The following MYO9B variants were observed in gnomAD, a reference collection of about 807,000 sequenced individuals.
The protein encoded by MYO9B is myosin IXB.
A neutral mutation model predicts 229.5 loss-of-function variants in MYO9B; 71 were observed. The observed-to-expected ratio is 0.31, with a 90% CI of 0.26 to 0.38. MYO9B has a LOEUF of 0.38. Ranked by LOEUF, MYO9B falls within the 10% of genes least tolerant of loss-of-function variation. MYO9B has a pLI of 1.00. For synonymous variants in MYO9B, 1,185 were observed against 1,235.8 expected (o/e 0.96, Z 0.86); for missense variants, 2,255 against 2,920.5 (o/e 0.77, Z 5.25).
intron 11 of MYO9B, among the ~76,000 whole-genome samples, chr19:17,169,802 CTTT>C (rs762583073): frequency 1.9e-5 from 2 of 106,588 alleles, no homozygotes; most frequent in African/African-American, 4.1e-5. Context: ...CTGTCTCCTC[CTTT>C]TTTTTTTTTT....
chr19:17,175,648 CTG>C lies in MYO9B; in HGVS notation c.2141-11_2141-10del, dbSNP rs779121097. The C allele has an allele frequency of 3.2e-6, 5 of 1,559,154 alleles. No homozygotes were observed. The highest frequency in any genetic ancestry group is 2.0e-5 in the Admixed American group (1 of 50,904). On this transcript the variant is annotated splice_polypyrimidine_tract_variant and intron_variant, in intron 13 of 39. Transcript: ENST00000682292. ...GAGGCCATCCCCACCACCATCCACT[CTG>C]TGTCTCCGGCAGGTATGAGCAGCCC...
chr19:17,089,806 C>T (rs568676291), intron 1 of MYO9B, among the ~76,000 whole-genome samples: 79 of 152,190 alleles, frequency 5.2e-4, no homozygotes, highest in African/African-American at 1.7e-3. Context: ...ATGCACATAA[C>T]GTGTAATTTA....
chr19:17,134,735 CCA>C (rs2145189617), intron 2 of MYO9B, among the ~76,000 whole-genome samples: 1 of 151,914 alleles, frequency 6.6e-6, no homozygotes, highest in East Asian at 1.9e-4. Context: ...TGTATATAAA[CCA>C]CAGTTTCTTT....
rs2073080250 is a variant in MYO9B at position 17,199,266 on chromosome 19, C to T, written c.4238+958C>T. Among the ~76,000 whole-genome samples, 2 of 151,978 alleles carry T rather than the reference C, an allele frequency of 1.3e-5. 1 individual carries two copies. The highest frequency in any genetic ancestry group is 1.3e-4 in the Admixed American group (2 of 15,228). On this transcript the variant is annotated intron_variant, in intron 24 of 39. Coordinates refer to ENST00000682292, the MANE Select transcript of MYO9B (RefSeq NM_004145.4). ...AGGCGCATGGCTTGTACCTATAATCCCAACAACTCAGGAGGCTGAGGTGAG... is the reference window on the plus strand; with the variant it reads ...AGGCGCATGGCTTGTACCTATAATCTCAACAACTCAGGAGGCTGAGGTGAG...
intron 2 of MYO9B, among the ~76,000 whole-genome samples, chr19:17,125,296 ATC>A (rs755200359): frequency 2.4e-5 from 1 of 42,532 alleles, no homozygotes; most frequent in Non-Finnish European, 4.5e-5. Context: ...GTAAAACCCC[ATC>A]CCCCCCCCCC....
intron 15 of MYO9B, among the ~76,000 whole-genome samples, chr19:17,182,919 T>C (rs1210979976): frequency 6.6e-6 from 1 of 151,962 alleles, no homozygotes; most frequent in Non-Finnish European, 1.5e-5. Context: ...AAGAGCAGCT[T>C]TGGGTTTTGG....
Position 17,152,753 on chromosome 19 carries a change from A to C in MYO9B, c.998+47A>C, listed in dbSNP as rs151154920. 12 of 1,522,786 alleles carry C rather than the reference A, an allele frequency of 7.9e-6. No individual in the cohort carries two copies. In the African/African-American group the frequency reaches 1.5e-4, roughly 19 times the overall value. The allele number at this position is 1,522,786 out of a possible 1,614,324, so 94.3% of individuals were successfully genotyped here. A position where few individuals can be genotyped will look rare whatever the true frequency, so the allele number is the denominator to read the frequency against. ...AATCTCTGAATGCCACGCCATGTCTACGTTTCCTCCTACAGAGGAGAGAAG... is the reference window on the plus strand; with the variant it reads ...AATCTCTGAATGCCACGCCATGTCTCCGTTTCCTCCTACAGAGGAGAGAAG... On this transcript the variant is annotated intron_variant, in intron 4 of 39. Transcript: ENST00000682292.
rs1200897139 is a variant in MYO9B at position 17,145,933 on chromosome 19, GGGATGGATGGATGGATGGATGAT to G, written c.935+464_935+486del. Among the ~76,000 whole-genome samples the G allele has an allele frequency of 3.0e-3, 458 of 151,316 alleles. 1 individual carries two copies. Among genetic ancestry groups the G allele is most frequent in the African/African-American group, 0.01 (430 of 41,206 alleles). Reference sequence around the variant, plus strand: ...GTGGGTGGGTGGATGGACTCATGAGGGGATGGATGGATGGATGGATGATGGATGGATGGATGGATGGATGGATG... The same window carrying G: ...GTGGGTGGGTGGATGGACTCATGAGGGGATGGATGGATGGATGGATGGATG... On this transcript the variant is annotated intron_variant, in intron 3 of 39. Coordinates refer to ENST00000682292, the MANE Select transcript of MYO9B (RefSeq NM_004145.4).
At chr19:17,084,316 T>C (rs1338360509) in intron 1 of MYO9B, among the ~76,000 whole-genome samples, 5 of 149,420 alleles carry the variant, frequency 3.3e-5, no homozygotes, top group African/African-American at 4.9e-5. Flanking sequence ...CCAGCCTGGG[T>C]GACAGAGTGA....
At chr19:17,086,615 C>T (rs979565996) in intron 1 of MYO9B, among the ~76,000 whole-genome samples, 5 of 152,224 alleles carry the variant, frequency 3.3e-5, no homozygotes, top group African/African-American at 9.6e-5. Context: ...TGCAATGGCT[C>T]ACGCCTGTAA....
At chr19:17,115,723 C>A (rs956660893) in intron 2 of MYO9B, among the ~76,000 whole-genome samples, 4 of 151,850 alleles carry the variant, frequency 2.6e-5, no homozygotes, top group African/African-American at 9.7e-5. Flanking sequence ...CCCACCTCGT[C>A]CCCCACAAAG....
chr19:17,188,428 CAAAAAAAAA>C (rs1182917762), intron 19 of MYO9B, among the ~76,000 whole-genome samples: 2 of 92,546 alleles, frequency 2.2e-5, no homozygotes, highest in Middle Eastern at 6.3e-3. Context: ...GACTCCATCT[CAAAAAAAAA>C]AAAAAAAAAA....
At position 17,191,138 on chromosome 19, in the gene MYO9B, C is replaced by T. The variant is rs2145442345; in HGVS notation, c.2730C>T (p.Ala910=). Residue 910 remains alanine (A), a synonymous_variant, in exon 20 of 40, where the codon GCC becomes GCT. Coordinates refer to ENST00000682292, the MANE Select transcript of MYO9B (RefSeq NM_004145.4). ...TCCAGGTGCTCCTGCCCAAGGATGC[C>T]CAGCCCTGCAGGGAGGTCATCTCCA... ...EQFQVLLPKD[A]QPCREVISTL... The T allele has an allele frequency of 2.5e-6, 4 of 1,612,746 alleles. No homozygotes were observed. Among genetic ancestry groups the T allele is most frequent in the Non-Finnish European group, 3.4e-6 (4 of 1,179,358 alleles).
At chr19:17,175,245 T>A (rs541539422) in intron 13 of MYO9B, among the ~76,000 whole-genome samples, 1 of 145,232 alleles carries the variant, frequency 6.9e-6, no homozygotes, top group Non-Finnish European at 1.5e-5. Flanking sequence ...GCACTCGGCC[T>A]AGGCAATGCA....
chr19:17,206,718 C>T lies in MYO9B; in HGVS notation c.5426C>T (p.Ala1809Val), dbSNP rs868476627. 1.9e-6 allele frequency: 3 copies of T among 1,588,202 alleles called. No individual in the cohort carries two copies. The East Asian group carries it at 6.9e-5, about 37-fold the overall frequency. Residue 1809 changes from alanine to valine, a missense_variant, in exon 34 of 40, where the codon GCC becomes GTC. Ala to Val is a moderately conservative substitution (Grantham distance 64). Transcript: ENST00000682292. ...CAGGAGCAGCTGGCTGCCATCTATG[C>T]CGTCCTGGAGCACCTTCCAGAAGCC... ...EKQEQLAAIYAVLEHLPEANH... is the reference protein window; with the variant it reads ...EKQEQLAAIYVVLEHLPEANH...
At chr19:17,208,093 A>C (rs552577860) in intron 35 of MYO9B, 8 of 151,988 alleles carry the variant, frequency 5.3e-5, no homozygotes, top group African/African-American at 1.9e-4. Flanking sequence ...TGGAGGCTAC[A>C]TTGAGCTGAG....
At chr19:17,130,700 C>G (rs2072184804) in intron 2 of MYO9B, among the ~76,000 whole-genome samples, 1 of 151,320 alleles carries the variant, frequency 6.6e-6, no homozygotes, top group African/African-American at 2.4e-5. Flanking sequence ...AGGAGGATCG[C>G]TTGAACCTGG....
At chr19:17,103,530 G>T (rs1247108271) in intron 2 of MYO9B, 2 of 152,426 alleles carry the variant, frequency 1.3e-5, no homozygotes, top group East Asian at 3.8e-4. Flanking sequence ...CATAGGGGCT[G>T]CCCCTTGTTG....
intron 1 of MYO9B, among the ~76,000 whole-genome samples, chr19:17,096,675 G>GTTGT (rs1344709953): frequency 9.7e-6 from 1 of 103,430 alleles, no homozygotes; most frequent in East Asian, 2.4e-4. Context: ...TGTTGTTGTT[G>GTTGT]TTGTTGTTGT....
Sources: gnomAD v4.1 joint callset for allele counts (sites outside exome capture counted in the v4.1 genomes callset) on GRCh38, gnomAD v4.1.1 for gene constraint, MANE v1.5 for transcripts, NCBI Gene and HGNC (gene_info 2026-07-23, HGNC 2026-07-21) for gene names.